The following TXLNB variants were observed in gnomAD, a reference collection of about 807,000 sequenced individuals.
The protein encoded by TXLNB is taxilin beta.
A neutral mutation model predicts 57.4 loss-of-function variants in TXLNB; 37 were observed. That is an observed-to-expected ratio of 0.64 (90% CI 0.50 to 0.85). The LOEUF (loss-of-function observed/expected upper bound fraction) is 0.85. TXLNB is among the 40% of genes least tolerant of loss of function. TXLNB has a pLI of 0.00. For missense variants in TXLNB, 848 were observed against 825.6 expected (o/e 1.03, Z -0.33); for synonymous variants, 302 against 309.6 (o/e 0.98, Z 0.26).
chr6:139,246,148 A>G (rs1301274040), intron 8 of TXLNB, among the ~76,000 whole-genome samples: 1 of 152,238 alleles, frequency 6.6e-6, no homozygotes, highest in African/African-American at 2.4e-5. Flanking sequence ...AAATGGACCC[A>G]AGATTAAGAA....
At chr6:139,253,132 T>C (rs1776252075) in intron 7 of TXLNB, among the ~76,000 whole-genome samples, 1 of 152,258 alleles carries the variant, frequency 6.6e-6, no homozygotes, top group Admixed American at 6.5e-5. Flanking sequence ...CTCTCTCTTA[T>C]TGATGATTAT....
chr6:139,239,472 T>G (rs1173059593), downstream of TXLNB: 1 of 152,396 alleles, frequency 6.6e-6, no homozygotes, highest in African/African-American at 2.4e-5. This position sits in a 1 kb window ranked among gnomAD's most constrained non-coding sequence, Gnocchi z 4.7. Flanking sequence ...TTTCCAGTGC[T>G]TCTCTCTTAT....
chr6:139,286,702 C>T (rs1296756641), intron 2 of TXLNB: 1 of 152,502 alleles, frequency 6.6e-6, no homozygotes, highest in African/African-American at 2.4e-5. Context: ...CTGAGCTCCA[C>T]CTCCTGTCAG....
the TXLNB span, among the ~76,000 whole-genome samples, chr6:139,211,287 A>C: frequency 0.17 from 26,107 of 152,142 alleles, 2,331 homozygotes; most frequent in East Asian, 0.26. Context: ...CAAAACTTCC[A>C]GAGGAACGAA....
chr6:139,214,171 AC>A, the TXLNB span, among the ~76,000 whole-genome samples: 1 of 152,156 alleles, frequency 6.6e-6, no homozygotes, highest in Non-Finnish European at 1.5e-5. Flanking sequence ...CAGAGACACA[AC>A]AAAAAAAGAG....
the TXLNB span, chr6:139,201,859 C>T: frequency 6.6e-6 from 1 of 152,196 alleles, no homozygotes; most frequent in East Asian, 1.9e-4. Flanking sequence ...TTGCTATAAA[C>T]ATGCTGGAGA....
At chr6:139,243,492 C>CTTTTT (rs1161954954) in intron 9 of TXLNB, among the ~76,000 whole-genome samples, 178 bp from the exon 10 acceptor site, 1 of 128,098 alleles carries the variant, frequency 7.8e-6, no homozygotes, top group Admixed American at 7.9e-5. Flanking sequence ...CATCACTTTC[C>CTTTTT]TTTTTTTTTT....
intron 5 of TXLNB, 104 bp downstream of exon 5, chr6:139,262,475 C>T (rs780398499): frequency 4.3e-6 from 4 of 941,036 alleles, no homozygotes; most frequent in Non-Finnish European, 6.1e-6. Context: ...AAATATTAAT[C>T]AGTTGAGAGG....
the TXLNB span, among the ~76,000 whole-genome samples, chr6:139,192,998 A>T: frequency 2.6e-5 from 4 of 151,544 alleles, no homozygotes; most frequent in Non-Finnish European, 4.4e-5. Context: ...CAACAAAAAA[A>T]CCCTACTGTT....
chr6:139,319,452 G>C, the TXLNB span, among the ~76,000 whole-genome samples: 2 of 150,996 alleles, frequency 1.3e-5, no homozygotes, highest in Non-Finnish European at 3.0e-5. Flanking sequence ...CACTCAGGTT[G>C]GAGTGCAGTG....
chr6:139,268,975 C>T (rs1490741325), intron 4 of TXLNB: 2 of 152,174 alleles, frequency 1.3e-5, no homozygotes, highest in South Asian at 4.1e-4. Context: ...TCATAACTTA[C>T]TGCAGGCTCG....
At chr6:139,212,608 G>C in the TXLNB span, among the ~76,000 whole-genome samples, 1 of 152,058 alleles carries the variant, frequency 6.6e-6, no homozygotes, top group African/African-American at 2.4e-5. Flanking sequence ...ATAATGACAG[G>C]ATCAAATTCA....
At position 139,270,326 on chromosome 6, in the gene TXLNB, C is replaced by A. The variant is rs1448260770; in HGVS notation, c.687+130G>T. The A allele has an allele frequency of 6.0e-6, 5 of 837,814 alleles. No homozygotes were observed. In the East Asian group the frequency reaches 1.3e-4, roughly 21 times the overall value. The allele number at this position is 837,814 out of a possible 1,614,324, so 51.9% of individuals were successfully genotyped here. ...AAAATTATTTAAGGTTACAAGCAAG[C>A]AAGGGGCAGAGGCAGTATTTGAACC... is the stretch of plus-strand genomic sequence containing the variant. On this transcript the variant is annotated intron_variant, in intron 4 of 9. Transcript: ENST00000358430.
chr6:139,234,739 C>A, the TXLNB span, among the ~76,000 whole-genome samples: 5 of 152,220 alleles, frequency 3.3e-5, no homozygotes, highest in Admixed American at 6.5e-5. Context: ...GTCAGAGCCC[C>A]CACACAGAGT....
intron 3 of TXLNB, among the ~76,000 whole-genome samples, chr6:139,276,601 A>G (rs1467076482): frequency 6.6e-6 from 1 of 152,212 alleles, no homozygotes; most frequent in Non-Finnish European, 1.5e-5. Context: ...CATTCCTTCA[A>G]AAGAATTTTT....
At chr6:139,231,069 C>T in the TXLNB span, among the ~76,000 whole-genome samples, 2 of 152,100 alleles carry the variant, frequency 1.3e-5, no homozygotes, top group African/African-American at 4.8e-5. Context: ...CATACCGGCA[C>T]GTTTTACACA....
the TXLNB span, among the ~76,000 whole-genome samples, chr6:139,184,545 A>AAGAT: frequency 6.6e-6 from 1 of 152,224 alleles, no homozygotes; most frequent in African/African-American, 2.4e-5. Flanking sequence ...CTCTTTTGTT[A>AAGAT]AGATAGATGA....
the TXLNB span, among the ~76,000 whole-genome samples, chr6:139,218,238 T>C: frequency 6.6e-6 from 1 of 152,340 alleles, no homozygotes; most frequent in South Asian, 2.1e-4. Flanking sequence ...TTTGTATGTA[T>C]GCACATATTT....
chr6:139,269,440 G>A (rs1776702922), intron 4 of TXLNB, among the ~76,000 whole-genome samples: 1 of 152,172 alleles, frequency 6.6e-6, no homozygotes, highest in South Asian at 2.1e-4. Flanking sequence ...CGGCCTGGGA[G>A]TCTGTCTTCA....
Sources: gnomAD v4.1 joint callset for allele counts (sites outside exome capture counted in the v4.1 genomes callset) on GRCh38, gnomAD v4.1.1 for gene constraint, Gnocchi (gnomAD v3.1) non-coding constraint, MANE v1.5 for transcripts, NCBI Gene and HGNC (gene_info 2026-07-23, HGNC 2026-07-21) for gene names.